The following DLC1 variants were observed in gnomAD, a reference collection of about 807,000 sequenced individuals.
The protein encoded by DLC1 is rho GTPase-activating protein 7.
In DLC1, 54 loss-of-function variants were observed where a neutral mutation model predicts 140.3. The observed-to-expected ratio is 0.38, with a 90% CI of 0.31 to 0.48. The LOEUF is 0.48. DLC1 is among the 20% of genes least tolerant of loss of function. DLC1 has a pLI of 0.96. For synonymous variants in DLC1, 986 were observed against 728.1 expected (o/e 1.35, Z -5.70); for missense variants, 2,536 against 1,907.0 (o/e 1.33, Z -6.14).
At chr8:13,332,772 G>A (rs2116950112) in intron 4 of DLC1, among the ~76,000 whole-genome samples, 1 of 152,142 alleles carries the variant, frequency 6.6e-6, no homozygotes, top group East Asian at 1.9e-4. Flanking sequence ...TAAATTATGA[G>A]TTACTTGATT....
intron 2 of DLC1, among the ~76,000 whole-genome samples, chr8:13,481,418 C>A (rs549869539): frequency 6.6e-6 from 1 of 152,006 alleles, no homozygotes; most frequent in Non-Finnish European, 1.5e-5. Context: ...GGGAGTGAGA[C>A]CTTGTCTCAA....
intron 1 of DLC1, among the ~76,000 whole-genome samples, chr8:13,530,384 A>G (rs181314286): frequency 1.6e-4 from 24 of 152,314 alleles, no homozygotes; most frequent in African/African-American, 5.5e-4. Flanking sequence ...GCAAACCACA[A>G]AGGAAATGCC....
chr8:13,309,460 G>T (rs906232058), intron 4 of DLC1, among the ~76,000 whole-genome samples: 1 of 152,078 alleles, frequency 6.6e-6, no homozygotes, highest in Non-Finnish European at 1.5e-5. Flanking sequence ...GCCAATTAAG[G>T]TGTTTTATTA....
chr8:13,100,117 G>A lies in DLC1; in HGVS notation c.2220C>T (p.Thr740=). The change falls in exon 9 of 18, where the codon ACC becomes ACT. Residue 740 remains threonine (T), a synonymous_variant. Coordinates refer to ENST00000276297, the MANE Select transcript of DLC1 (RefSeq NM_182643.3). ...RKRSVSNSTQ[T]SSSSSQSETS... ...TCTCCGACTGGCTGCTGCTGCTGCT[G>A]GTCTGCGTGGAGTTGGAAACGCTCC... The A allele has an allele frequency of 1.9e-6, 3 of 1,614,008 alleles. No homozygotes were observed. Among genetic ancestry groups the A allele is most frequent in the Non-Finnish European group, 2.5e-6 (3 of 1,180,044 alleles).
intron 1 of DLC1, among the ~76,000 whole-genome samples, chr8:13,544,101 A>G (rs1285422306): frequency 6.6e-6 from 1 of 152,172 alleles, no homozygotes; most frequent in Non-Finnish European, 1.5e-5. Context: ...TTATATTAGC[A>G]TTGCATCCCA....
intron 1 of DLC1, among the ~76,000 whole-genome samples, chr8:13,585,508 A>G (rs60295628): frequency 0.013 from 1,977 of 152,370 alleles, 46 homozygotes; most frequent in African/African-American, 0.045. Flanking sequence ...TGTAATTTGT[A>G]AAGGTGCATT....
intron 5 of DLC1, among the ~76,000 whole-genome samples, chr8:13,132,786 C>A (rs917781905): frequency 2.0e-5 from 3 of 152,248 alleles, no homozygotes; most frequent in Admixed American, 2.0e-4. Context: ...GCTATCCCCA[C>A]ACCACCTCCA....
chr8:13,163,299 A>G (rs1483730821), intron 5 of DLC1, among the ~76,000 whole-genome samples: 1 of 152,176 alleles, frequency 6.6e-6, no homozygotes, highest in Non-Finnish European at 1.5e-5. Context: ...TGATTGGTAA[A>G]TTGCATGCTC....
chr8:13,104,611 T>C (rs1333238732), intron 7 of DLC1, among the ~76,000 whole-genome samples: 1 of 152,186 alleles, frequency 6.6e-6, no homozygotes, highest in African/African-American at 2.4e-5. Flanking sequence ...GATCAGATCA[T>C]TTAATTCACA....
chr8:13,596,082 G>A (rs894586147), intron 1 of DLC1, among the ~76,000 whole-genome samples: 6 of 151,942 alleles, frequency 3.9e-5, no homozygotes, highest in African/African-American at 1.4e-4. Flanking sequence ...AGTTTCAGTT[G>A]GATTTGTTCT....
At chr8:13,444,451 TA>T (rs1264334081) in intron 2 of DLC1, among the ~76,000 whole-genome samples, 1 of 151,562 alleles carries the variant, frequency 6.6e-6, no homozygotes. Context: ...CGTTTAATAA[TA>T]AAAAAAAGAA....
At position 13,450,452 on chromosome 8, in the gene DLC1, CAAAA is replaced by C. The variant is rs759911909; in HGVS notation, c.1023+48593_1023+48596del. ...CCTGGGCAACAGAGTGAGACTGTCTCAAAAAAAAAAAAAAAAAAAAAAAGGCCGA... is the reference window on the plus strand; with the variant it reads ...CCTGGGCAACAGAGTGAGACTGTCTCAAAAAAAAAAAAAAAAAAAGGCCGA... On this transcript the variant is annotated intron_variant, in intron 2 of 17. Coordinates refer to ENST00000276297, the MANE Select transcript of DLC1 (RefSeq NM_182643.3). Among the ~76,000 whole-genome samples, 21 of 53,356 alleles carry C rather than the reference CAAAA, an allele frequency of 3.9e-4. No individual in the cohort carries two copies. In the South Asian group the frequency reaches 0.017, roughly 44 times the overall value. The allele number at this position is 53,356 out of a possible 152,430, so 35.0% of individuals were successfully genotyped here.
At chr8:13,333,669 T>TA (rs1358686002) in intron 4 of DLC1, among the ~76,000 whole-genome samples, 23 of 152,176 alleles carry the variant, frequency 1.5e-4, no homozygotes, top group Non-Finnish European at 3.2e-4. Flanking sequence ...CCCCCTTATT[T>TA]AAAATATAGC....
chr8:13,415,813 A>G (rs544194985), intron 2 of DLC1, among the ~76,000 whole-genome samples: 2 of 152,272 alleles, frequency 1.3e-5, no homozygotes, highest in South Asian at 2.1e-4. Context: ...ATATACACAA[A>G]CTGATAAATA....
chr8:13,331,814 A>G (rs1477123295), intron 4 of DLC1, among the ~76,000 whole-genome samples: 5 of 152,318 alleles, frequency 3.3e-5, no homozygotes, highest in East Asian at 3.9e-4. Context: ...TTTGCCTACC[A>G]AAAGGAATAA....
At chr8:13,142,618 TAA>T (rs1823085392) in intron 5 of DLC1, among the ~76,000 whole-genome samples, 1 of 151,958 alleles carries the variant, frequency 6.6e-6, no homozygotes, top group Admixed American at 6.5e-5. Context: ...TTATGAGAAA[TAA>T]AAGTTTTTAA....
chr8:13,477,486 T>A (rs1800488550), intron 2 of DLC1, among the ~76,000 whole-genome samples: 2 of 152,184 alleles, frequency 1.3e-5, no homozygotes, highest in Admixed American at 6.5e-5. Context: ...TAACAAGGAC[T>A]AATCGCAGAG....
At chr8:13,110,886 A>G in intron 6 of DLC1, 63 bp from the exon 7 acceptor site, 1 of 1,446,484 alleles carries the variant, frequency 6.9e-7, no homozygotes, top group Non-Finnish European at 9.7e-7. Context: ...CAAATAGCCC[A>G]GTTTACCAAA....
chr8:13,225,907 G>T (rs150850165), intron 5 of DLC1, among the ~76,000 whole-genome samples: 1 of 152,034 alleles, frequency 6.6e-6, no homozygotes, highest in Non-Finnish European at 1.5e-5. Flanking sequence ...GAGCCACCGC[G>T]CCTGGCCTAT....
Sources: allele counts gnomAD v4.1 joint callset (sites outside exome capture counted in the v4.1 genomes callset), GRCh38; gene constraint gnomAD v4.1.1; transcripts MANE v1.5; gene names NCBI Gene and HGNC (gene_info 2026-07-23, HGNC 2026-07-21).